Variants in ME3 observed in about 807,000 individuals in gnomAD.
ME3 encodes the protein malic enzyme 3, also known as NADP-dependent malic enzyme, mitochondrial.
Under a neutral mutation model 68.9 loss-of-function variants are expected in ME3, and 48 were observed. The observed-to-expected ratio is 0.70, with a 90% CI of 0.55 to 0.89. ME3 has a LOEUF of 0.89. Ranked by LOEUF, ME3 falls within the 40% of genes least tolerant of loss-of-function variation. The pLI is 0.00. For missense variants in ME3, 675 were observed against 797.4 expected (o/e 0.85, Z 1.85); for synonymous variants, 320 against 318.8 (o/e 1.00, Z -0.04).
chr11:86,459,463 C>T (rs1950116527), intron 8 of ME3, among the ~76,000 whole-genome samples: 1 of 152,180 alleles, frequency 6.6e-6, no homozygotes, highest in African/African-American at 2.4e-5. Context: ...CTGCTACATG[C>T]CTGTCCCTAC....
intron 8 of ME3, among the ~76,000 whole-genome samples, chr11:86,463,012 AGATCCC>A (rs2138717554): frequency 6.6e-6 from 1 of 152,326 alleles, no homozygotes; most frequent in East Asian, 1.9e-4. Context: ...AGCAGAAGAA[AGATCCC>A]GAAGTCTTAT....
At chr11:86,620,442 A>AG (rs2135261589) in intron 2 of ME3, among the ~76,000 whole-genome samples, 1 of 152,306 alleles carries the variant, frequency 6.6e-6, no homozygotes, top group South Asian at 2.1e-4. Context: ...GCCTCCTTTT[A>AG]GGGTCTACTC....
intron 2 of ME3, among the ~76,000 whole-genome samples, chr11:86,631,872 A>G (rs1944039963): frequency 6.6e-6 from 1 of 152,166 alleles, no homozygotes; most frequent in African/African-American, 2.4e-5. Context: ...AGGAGGGATT[A>G]CAGGCACCCA....
chr11:86,562,233 A>G (rs990515087), intron 2 of ME3, among the ~76,000 whole-genome samples: 1 of 152,320 alleles, frequency 6.6e-6, no homozygotes, highest in East Asian at 1.9e-4. Context: ...TCATTCATGT[A>G]TATTTATCAT....
intron 8 of ME3, among the ~76,000 whole-genome samples, chr11:86,454,986 TC>T (rs1054656321): frequency 6.6e-6 from 1 of 152,222 alleles, no homozygotes; most frequent in African/African-American, 2.4e-5. Flanking sequence ...AAGTGCACAT[TC>T]ATCATTGTGG....
intron 7 of ME3, among the ~76,000 whole-genome samples, chr11:86,486,235 A>G (rs952990073): frequency 6.6e-6 from 1 of 152,108 alleles, no homozygotes; most frequent in African/African-American, 2.4e-5. Flanking sequence ...CCCCCATCCT[A>G]CAGTCCATCA....
chr11:86,660,782 A>G (rs1275726952), intron 2 of ME3, among the ~76,000 whole-genome samples: 2 of 152,144 alleles, frequency 1.3e-5, no homozygotes, highest in Non-Finnish European at 1.5e-5. Context: ...TCTCATCACA[A>G]AAGATGCTAT....
rs1019534231 is a variant in ME3 at position 86,671,640 on chromosome 11, A to C, written c.183+122T>G. On this transcript the variant is annotated intron_variant, in intron 2 of 14. Transcript: ENST00000543262. ...AAGTCACAACAAGCCCCTGCAAGGC[A>C]AAAACAGAAAAACCGCTGGAAGGGC... 16 of 1,268,382 alleles carry C rather than the reference A, an allele frequency of 1.3e-5. No individual in the cohort carries two copies. In the Admixed American group the frequency reaches 3.9e-4, roughly 31 times the overall value. The allele number at this position is 1,268,382 out of a possible 1,614,324, so 78.6% of individuals were successfully genotyped here. A position where few individuals can be genotyped will look rare whatever the true frequency, so the allele number is the denominator to read the frequency against.
intron 2 of ME3, among the ~76,000 whole-genome samples, chr11:86,576,183 G>C (rs74786440): frequency 0.033 from 4,976 of 152,258 alleles, 109 homozygotes; most frequent in South Asian, 0.057. Flanking sequence ...ACAAAGATGA[G>C]GACATGATTA....
At chr11:86,570,226 T>C (rs1957710733) in intron 2 of ME3, among the ~76,000 whole-genome samples, 1 of 152,210 alleles carries the variant, frequency 6.6e-6, no homozygotes. Context: ...GCTTATGCTA[T>C]AACCGGCTTC....
chr11:86,671,721 C>G, intron 2 of ME3, 41 bp downstream of exon 2: 1 of 1,589,624 alleles, frequency 6.3e-7, no homozygotes, highest in Non-Finnish European at 8.5e-7. Flanking sequence ...CCGGCAGCCA[C>G]GGGATCGCAA....
At chr11:86,467,091 A>G (rs1314303555) in intron 7 of ME3, among the ~76,000 whole-genome samples, 1 of 152,228 alleles carries the variant, frequency 6.6e-6, no homozygotes, top group Non-Finnish European at 1.5e-5. Flanking sequence ...GATTTGATAT[A>G]TGTGTACAGT....
At chr11:86,614,305 G>C (rs1460978300) in intron 2 of ME3, among the ~76,000 whole-genome samples, 2 of 152,266 alleles carry the variant, frequency 1.3e-5, no homozygotes, top group African/African-American at 4.8e-5. Context: ...ACTGGAGACT[G>C]CAAAGCACTT....
At chr11:86,498,431 A>G (rs760923974) in intron 5 of ME3, among the ~76,000 whole-genome samples, 3 of 152,154 alleles carry the variant, frequency 2.0e-5, no homozygotes, top group Non-Finnish European at 4.4e-5. Context: ...ACTCTCCCTC[A>G]AGGAAACTAA....
intron 4 of ME3, among the ~76,000 whole-genome samples, chr11:86,515,935 C>G (rs894140703): frequency 6.6e-6 from 1 of 152,158 alleles, no homozygotes; most frequent in African/African-American, 2.4e-5. Flanking sequence ...ACATTTCCAG[C>G]TTTTGAGCAA....
rs11501724 is a variant in ME3, at chr11:86,545,026, A to G, written c.467+11527T>C. On this transcript the variant is annotated intron_variant, in intron 4 of 14. Transcript: ENST00000543262. ...ATGCATGGCTGGTTCAACATATGCA[A>G]ATCAATAAACGTAATCCATCACGTA... Among the ~76,000 whole-genome samples, 1,391 of 152,322 alleles carry G rather than the reference A, an allele frequency of 9.1e-3. 26 individuals carry two copies. The highest frequency in any genetic ancestry group is 0.031 in the African/African-American group (1,303 of 41,560).
At chr11:86,557,041 G>T (rs557789474) in intron 3 of ME3, among the ~76,000 whole-genome samples, 9 of 152,216 alleles carry the variant, frequency 5.9e-5, no homozygotes, top group Non-Finnish European at 1.0e-4. Context: ...TTCTCATGGC[G>T]TGTGGGAATT....
At chr11:86,446,879 T>A in intron 12 of ME3, 186 bp downstream of exon 12, 1 of 771,734 alleles carries the variant, frequency 1.3e-6, no homozygotes, top group Non-Finnish European at 2.0e-6. Flanking sequence ...GGCTTTGGAG[T>A]CAGACCTGGG....
chr11:86,521,828 T>A (rs572793086), intron 4 of ME3, among the ~76,000 whole-genome samples: 2 of 152,340 alleles, frequency 1.3e-5, no homozygotes, highest in African/African-American at 4.8e-5. Flanking sequence ...TTATTTTGAG[T>A]CCTTTCCCTG....
Sources: allele counts gnomAD v4.1 joint callset (sites outside exome capture counted in the v4.1 genomes callset), GRCh38; gene constraint gnomAD v4.1.1; transcripts MANE v1.5; gene names NCBI Gene and HGNC (gene_info 2026-07-23, HGNC 2026-07-21).